The following FOXP1 variants were observed in gnomAD, a reference collection of about 807,000 sequenced individuals.
FOXP1 encodes forkhead box protein P1.
Under a neutral mutation model 98.2 loss-of-function variants are expected in FOXP1, and 15 were observed. The ratio of observed to expected loss-of-function variants is 0.15; its 90% CI spans 0.10 to 0.24. The LOEUF is 0.24. Among genes scored for constraint, FOXP1 ranks in the 10% least tolerant of loss-of-function variants. The pLI is 1.00. For synonymous variants in FOXP1, 371 were observed against 314.5 expected, an observed-to-expected ratio of 1.18 and a Z score of -1.90; for missense variants, 633 against 848.5, an observed-to-expected ratio of 0.75 and a Z score of 3.15.
chr3:71,559,238 G>C (rs539695907), intron 2 of FOXP1, among the ~76,000 whole-genome samples: 18 of 152,200 alleles, frequency 1.2e-4, no homozygotes, highest in Non-Finnish European at 2.4e-4. Context: ...CCCCCACTCT[G>C]AACTGCCAGT....
chr3:71,122,760 A>C (rs2107831415), intron 6 of FOXP1, among the ~76,000 whole-genome samples: 1 of 152,314 alleles, frequency 6.6e-6, no homozygotes, highest in African/African-American at 2.4e-5. Flanking sequence ...GACTTGCCCA[A>C]GGTCACAAGT....
chr3:71,309,781 A>G (rs1345776579), intron 4 of FOXP1, among the ~76,000 whole-genome samples: 1 of 151,978 alleles, frequency 6.6e-6, no homozygotes, highest in African/African-American at 2.4e-5. Flanking sequence ...GACTTCTTTG[A>G]AAGACCACCA....
intron 11 of FOXP1, among the ~76,000 whole-genome samples, chr3:71,024,778 A>G (rs1473307674): frequency 6.6e-6 from 1 of 152,232 alleles, no homozygotes; most frequent in Non-Finnish European, 1.5e-5. Flanking sequence ...TCTGCTCTCA[A>G]TATTGTGCTC....
At chr3:71,426,891 T>C (rs779098203) in intron 3 of FOXP1, among the ~76,000 whole-genome samples, 12 of 151,964 alleles carry the variant, frequency 7.9e-5, no homozygotes, top group Non-Finnish European at 1.5e-4. Flanking sequence ...TGAAACCCCA[T>C]CTCTACTAAA....
At chr3:71,243,106 C>A (rs901668013) in intron 5 of FOXP1, among the ~76,000 whole-genome samples, 97 of 152,158 alleles carry the variant, frequency 6.4e-4, no homozygotes, top group African/African-American at 2.3e-3. Flanking sequence ...ATTCCAATCA[C>A]CCCCTCCATG....
At chr3:70,967,683 A>ATTTTTT (rs1559585348) in intron 19 of FOXP1, among the ~76,000 whole-genome samples, 1 of 21,772 alleles carries the variant, frequency 4.6e-5, no homozygotes, top group Non-Finnish European at 1.1e-4. Context: ...AACTACTATT[A>ATTTTTT]TTTGTTTTTT....
At chr3:71,284,245 A>G (rs764144202) in intron 5 of FOXP1, among the ~76,000 whole-genome samples, 3 of 152,158 alleles carry the variant, frequency 2.0e-5, no homozygotes, top group Non-Finnish European at 4.4e-5. Flanking sequence ...TCCCCCCTCT[A>G]GAATACATCT....
At chr3:71,577,600 TG>T (rs1346204649) in intron 2 of FOXP1, among the ~76,000 whole-genome samples, 1 of 152,142 alleles carries the variant, frequency 6.6e-6, no homozygotes, top group African/African-American at 2.4e-5. Context: ...AGAAATATGT[TG>T]AAAAATCAGT....
At chr3:71,017,467 G>A (rs541077084) in intron 11 of FOXP1, among the ~76,000 whole-genome samples, 1 of 150,576 alleles carries the variant, frequency 6.6e-6, no homozygotes, top group East Asian at 2.0e-4. Context: ...AACTTTAAAA[G>A]AGTAATATAT....
At chr3:71,120,908 TTTTAC>T (rs1199772684) in intron 6 of FOXP1, among the ~76,000 whole-genome samples, 5 of 152,362 alleles carry the variant, frequency 3.3e-5, no homozygotes, top group African/African-American at 1.2e-4. Context: ...CTTGCTTTTC[TTTTAC>T]TTTAATGTTT....
intron 5 of FOXP1, among the ~76,000 whole-genome samples, chr3:71,215,481 A>C (rs971630297): frequency 2.6e-5 from 4 of 152,236 alleles, no homozygotes; most frequent in African/African-American, 9.6e-5. Flanking sequence ...TTCTGAGAGC[A>C]CAGAGGAATA....
intron 9 of FOXP1, among the ~76,000 whole-genome samples, chr3:71,049,555 G>C (rs930714068): frequency 1.4e-5 from 2 of 148,058 alleles, no homozygotes; most frequent in African/African-American, 5.0e-5. Flanking sequence ...CTTTAGGAGG[G>C]AAGGAAAAAA....
intron 3 of FOXP1, among the ~76,000 whole-genome samples, chr3:71,449,001 G>A (rs2086698966): frequency 6.6e-6 from 1 of 152,170 alleles, no homozygotes; most frequent in Non-Finnish European, 1.5e-5. Flanking sequence ...TGCGTGTTAT[G>A]ACCAGACCTA....
intron 5 of FOXP1, among the ~76,000 whole-genome samples, chr3:71,203,510 T>C (rs1189075564): frequency 6.6e-6 from 1 of 152,224 alleles, no homozygotes; most frequent in African/African-American, 2.4e-5. Flanking sequence ...GGTTACAGTG[T>C]TGATGCTGAA....
Position 70,956,647 on chromosome 3 carries a change from G to A in FOXP1, c.*2600C>T. 6.0e-6 allele frequency: 1 copy of A among 167,146 alleles called. No individual in the cohort carries two copies. The allele number at this position is 167,146 out of a possible 1,614,324, so 10.4% of individuals were successfully genotyped here. ...CCTCTTTTGAATACCAAACTAACCA[G>A]CAACCACTCAGTTTAGAAGCACAGG... On this transcript the variant is annotated 3_prime_UTR_variant, in exon 21 of 21. Transcript: ENST00000649528.
intron 2 of FOXP1, among the ~76,000 whole-genome samples, chr3:71,565,858 G>A (rs1000158977): frequency 9.2e-5 from 14 of 152,110 alleles, no homozygotes; most frequent in African/African-American, 3.4e-4. Flanking sequence ...GGTAACGCTG[G>A]GTGATCACAG....
At chr3:70,989,062 T>C (rs2040205573) in intron 13 of FOXP1, among the ~76,000 whole-genome samples, 2 of 152,214 alleles carry the variant, frequency 1.3e-5, no homozygotes, top group Non-Finnish European at 2.9e-5. Flanking sequence ...TCATTAGTTC[T>C]GTCACATAAT....
At chr3:71,310,287 A>T (rs1160740768) in intron 4 of FOXP1, among the ~76,000 whole-genome samples, 1 of 152,248 alleles carries the variant, frequency 6.6e-6, no homozygotes, top group Non-Finnish European at 1.5e-5. Context: ...CAGATATAAC[A>T]GACATTTGAA....
chr3:71,500,738 C>T (rs539718838), intron 2 of FOXP1, among the ~76,000 whole-genome samples: 3 of 152,320 alleles, frequency 2.0e-5, no homozygotes, highest in Non-Finnish European at 1.5e-5. Context: ...ACAGCCAAGT[C>T]GTTCCTCTGC....
Sources: gnomAD v4.1 joint callset for allele counts (sites outside exome capture counted in the v4.1 genomes callset) on GRCh38, gnomAD v4.1.1 for gene constraint, MANE v1.5 for transcripts, NCBI Gene and HGNC (gene_info 2026-07-23, HGNC 2026-07-21) for gene names.